Variants in ENTREP2 observed in about 807,000 individuals in gnomAD.
ENTREP2 encodes endosomal transmembrane epsin interactor 2.
chr15:29,518,292 C>T, the ENTREP2 span, among the ~76,000 whole-genome samples: 1 of 152,106 alleles, frequency 6.6e-6, no homozygotes, highest in East Asian at 1.9e-4. Flanking sequence ...GTAACCATGC[C>T]GTACGTTAGA....
the ENTREP2 span, among the ~76,000 whole-genome samples, chr15:29,568,432 T>C: frequency 2.6e-5 from 4 of 152,170 alleles, no homozygotes; most frequent in African/African-American, 4.8e-5. Flanking sequence ...TGGCTCAAGC[T>C]TGTAATCTCA....
chr15:29,438,854 A>T, the ENTREP2 span, among the ~76,000 whole-genome samples: 1 of 152,210 alleles, frequency 6.6e-6, no homozygotes, highest in Non-Finnish European at 1.5e-5. Context: ...CAGGTCAAAC[A>T]GGTTAAACAG....
chr15:29,655,881 T>C, the ENTREP2 span, among the ~76,000 whole-genome samples: 2 of 151,890 alleles, frequency 1.3e-5, no homozygotes, highest in Non-Finnish European at 2.9e-5. Flanking sequence ...AAAAATTAGC[T>C]GGGTGCAGCG....
the ENTREP2 span, among the ~76,000 whole-genome samples, chr15:29,228,721 G>T: frequency 8.4e-4 from 128 of 152,108 alleles, 1 homozygote; most frequent in African/African-American, 3.0e-3. Flanking sequence ...AAGTCAAAAG[G>T]TACAAATTAT....
chr15:29,516,892 T>G, the ENTREP2 span, among the ~76,000 whole-genome samples: 1 of 151,366 alleles, frequency 6.6e-6, no homozygotes, highest in East Asian at 1.9e-4. Context: ...ATTGAGGAAT[T>G]TATTCCTAGT....
the ENTREP2 span, among the ~76,000 whole-genome samples, chr15:29,137,655 C>T: frequency 0.014 from 2,144 of 152,086 alleles, 50 homozygotes; most frequent in African/African-American, 0.05. Context: ...GTCAACATGG[C>T]GAAACCCCGT....
the ENTREP2 span, among the ~76,000 whole-genome samples, chr15:29,357,005 C>G: frequency 6.6e-6 from 1 of 151,994 alleles, no homozygotes; most frequent in Non-Finnish European, 1.5e-5. Context: ...CCAAAGCAGA[C>G]CAAAGGGGCA....
chr15:29,579,686 ATTTTTTTTTTTTTTTTTTTTTT>A, the ENTREP2 span, among the ~76,000 whole-genome samples: 300 of 55,818 alleles, frequency 5.4e-3, 2 homozygotes, highest in African/African-American at 0.021. Flanking sequence ...CACCCAGCTA[ATTTTTTTTTTTTTTTTTTTTTT>A]TTTTTTTTTT....
the ENTREP2 span, among the ~76,000 whole-genome samples, chr15:29,273,468 G>C: frequency 6.6e-6 from 1 of 152,134 alleles, no homozygotes. Flanking sequence ...AAAGTGTTAG[G>C]ATTACAGGTG....
At chr15:29,507,686 A>G in the ENTREP2 span, among the ~76,000 whole-genome samples, 1 of 152,214 alleles carries the variant, frequency 6.6e-6, no homozygotes, top group African/African-American at 2.4e-5. Context: ...GCAGAAATAA[A>G]TAAATTATTT....
chr15:29,123,328 A>G, the ENTREP2 span: 1 of 1,502,970 alleles, frequency 6.7e-7, no homozygotes, highest in South Asian at 1.3e-5. Context: ...ACGGTCAGAA[A>G]TGTGGCTCCT....
At chr15:29,371,629 G>A in the ENTREP2 span, among the ~76,000 whole-genome samples, 3 of 152,018 alleles carry the variant, frequency 2.0e-5, no homozygotes, top group Admixed American at 6.6e-5. Context: ...TTCATAAAAT[G>A]TGAACATATT....
At chr15:29,257,546 G>A in the ENTREP2 span, among the ~76,000 whole-genome samples, 1 of 152,176 alleles carries the variant, frequency 6.6e-6, no homozygotes, top group African/African-American at 2.4e-5. Flanking sequence ...TGGATCAACG[G>A]ATAAATGTTT....
At chr15:29,412,245 TG>T in the ENTREP2 span, among the ~76,000 whole-genome samples, 1 of 152,224 alleles carries the variant, frequency 6.6e-6, no homozygotes, top group Admixed American at 6.5e-5. Flanking sequence ...TTTTATTTAA[TG>T]TCTTTCAATA....
chr15:29,575,229 G>A, the ENTREP2 span, among the ~76,000 whole-genome samples: 1 of 152,222 alleles, frequency 6.6e-6, no homozygotes, highest in African/African-American at 2.4e-5. Context: ...CCCCAATTCT[G>A]CATTGCACAA....
At chr15:29,429,504 A>C in the ENTREP2 span, among the ~76,000 whole-genome samples, 1 of 152,192 alleles carries the variant, frequency 6.6e-6, no homozygotes, top group Non-Finnish European at 1.5e-5. Context: ...CACGGGCATA[A>C]GCCACCATGG....
the ENTREP2 span, among the ~76,000 whole-genome samples, chr15:29,487,120 T>C: frequency 6.6e-6 from 1 of 152,240 alleles, no homozygotes; most frequent in Non-Finnish European, 1.5e-5. Flanking sequence ...TGTATACACA[T>C]ATTGAAATAT....
the ENTREP2 span, among the ~76,000 whole-genome samples, chr15:29,629,986 G>A: frequency 6.6e-6 from 1 of 152,186 alleles, no homozygotes; most frequent in East Asian, 1.9e-4. Context: ...GCATGGTAGT[G>A]CACACCTGTA....
At chr15:29,607,100 T>C in the ENTREP2 span, among the ~76,000 whole-genome samples, 4 of 152,232 alleles carry the variant, frequency 2.6e-5, no homozygotes. Context: ...CCCAAAGTGC[T>C]GAGATTACAG....
Sources: gnomAD v4.1 joint callset for allele counts (sites outside exome capture counted in the v4.1 genomes callset) on GRCh38, gnomAD v4.1.1 for gene constraint, MANE v1.5 for transcripts, NCBI Gene and HGNC (gene_info 2026-07-23, HGNC 2026-07-21) for gene names.